The following MEGF6 variants were observed in gnomAD, a reference collection of about 807,000 sequenced individuals.
MEGF6 encodes the protein multiple EGF like domains 6, also known as multiple epidermal growth factor-like domains protein 6.
In MEGF6, 184 loss-of-function variants were observed where a neutral mutation model predicts 207.1. That is an observed-to-expected ratio of 0.89 (90% CI 0.79 to 1.00). The LOEUF is 1.00. Among genes scored for constraint, MEGF6 ranks in the 50% least tolerant of loss-of-function variants. The pLI, the probability that MEGF6 is intolerant of heterozygous loss-of-function variation, is 0.00. For synonymous variants in MEGF6, 1,038 were observed against 910.0 expected, an observed-to-expected ratio of 1.14 and a Z score of -2.53; for missense variants, 2,282 against 2,202.9, an observed-to-expected ratio of 1.04 and a Z score of -0.72.
chr1:3,526,183 G>A (rs1008476921), intron 4 of MEGF6, among the ~76,000 whole-genome samples: 2 of 152,314 alleles, frequency 1.3e-5, no homozygotes, highest in South Asian at 4.1e-4. Context: ...GGGGCCTCTG[G>A]GCATGGCGGA....
chr1:3,555,645 G>A (rs1643012572), intron 4 of MEGF6, among the ~76,000 whole-genome samples: 1 of 152,332 alleles, frequency 6.6e-6, no homozygotes, highest in Admixed American at 6.5e-5. Context: ...GAACCCGTCA[G>A]TGAAACAGCA....
chr1:3,515,461 CG>C lies in MEGF6; in HGVS notation c.670del (p.Arg224GlyfsTer53). The C allele has an allele frequency of 6.2e-7, 1 of 1,612,692 alleles. No individual in the cohort carries two copies. The highest frequency in any genetic ancestry group is 1.1e-5 in the South Asian group (1 of 91,066). ...CCCGGGCCGGCACTGGCAGCGATGCCGAGTGATTGTGAGCTGGACACAGTGG... is the reference window on the plus strand; with the variant it reads ...CCCGGGCCGGCACTGGCAGCGATGCCAGTGATTGTGAGCTGGACACAGTGG... ...QHHCVQLTIT[R>X]HRCQCRPGFQ... On this transcript the variant is annotated frameshift_variant, in exon 6 of 37. Coordinates refer to ENST00000356575, the MANE Select transcript of MEGF6 (RefSeq NM_001409.4). LOFTEE classifies it high-confidence loss of function.
At chr1:3,531,843 AGGGGGG>A (rs1292599449) in intron 4 of MEGF6, among the ~76,000 whole-genome samples, 11 of 148,118 alleles carry the variant, frequency 7.4e-5, no homozygotes, top group South Asian at 2.1e-4. Flanking sequence ...GGGGCGGGGG[AGGGGGG>A]CCTGCAGAGG....
intron 1 of MEGF6, among the ~76,000 whole-genome samples, chr1:3,606,970 G>A (rs554828354): frequency 6.6e-6 from 1 of 152,064 alleles, no homozygotes; most frequent in East Asian, 1.9e-4. Flanking sequence ...CCAGGCCTGG[G>A]GCCTGCTGTG....
chr1:3,531,375 G>A lies in MEGF6; in HGVS notation c.482-7129C>T, dbSNP rs866422325. The stretch of plus-strand genomic sequence containing the variant: ...GGGCGGGCGCGCAATCCCAGCCCCG[G>A]GATCCGCTCCGCTCGGCGCCGCCCG... On this transcript the variant is annotated intron_variant, in intron 4 of 36. Transcript: ENST00000356575. 273 of 1,177,708 alleles carry A rather than the reference G, an allele frequency of 2.3e-4. No homozygotes were observed. In the African/African-American group the frequency reaches 3.4e-3, roughly 15 times the overall value. 73.0% of individuals were successfully genotyped at this position (1,177,708 alleles called of 1,614,324 possible). A position where few individuals can be genotyped will look rare whatever the true frequency, so the allele number is the denominator to read the frequency against.
At chr1:3,619,336 T>C in the MEGF6 span, among the ~76,000 whole-genome samples, 1 of 152,230 alleles carries the variant, frequency 6.6e-6, no homozygotes, top group African/African-American at 2.4e-5. Flanking sequence ...AGAGCAGCCA[T>C]CCGGCTGGAC....
intron 17 of MEGF6, 118 bp from the exon 18 acceptor site, chr1:3,502,039 G>A (rs1312305204): frequency 2.8e-6 from 4 of 1,450,924 alleles, no homozygotes; most frequent in Non-Finnish European, 3.7e-6. Flanking sequence ...CTCCTGGCGA[G>A]TGTGCCCCCC....
chr1:3,501,107 G>A lies in MEGF6; in HGVS notation c.2447-13C>T, dbSNP rs186299034. 28 of 1,612,654 alleles carry A rather than the reference G, an allele frequency of 1.7e-5. No individual in the cohort carries two copies. Among genetic ancestry groups the A allele is most frequent in the East Asian group, 1.6e-4 (7 of 44,876 alleles). On this transcript the variant is annotated splice_polypyrimidine_tract_variant and intron_variant, in intron 19 of 36. Transcript: ENST00000356575. ...CCTGCTGGGCACACTACAGGCAGGC[G>A]AGAGAGGGTGAGTGGGGCCTGGCCA...
rs769567447 is a variant in MEGF6, at chr1:3,494,010, T to G, written c.4244A>C (p.His1415Pro). Residue 1415 changes from histidine (H) to proline (P), a missense_variant, in exon 33 of 37, where the codon CAC becomes CCC. By Grantham distance (77) the His-to-Pro change is moderately conservative. Transcript: ENST00000356575. Reference protein sequence around the residue: ...RCLCPAGFHGHFCERGCEPGS... With the variant: ...RCLCPAGFHGPFCERGCEPGS... Reference sequence around the variant, plus strand: ...CAAGCACTCACCCCTCTCACAGAAGTGGCCGTGGAAGCCGGCAGGGCAGAG... The same window carrying G: ...CAAGCACTCACCCCTCTCACAGAAGGGGCCGTGGAAGCCGGCAGGGCAGAG... 6.2e-7 allele frequency: 1 copy of G among 1,603,284 alleles called. No homozygotes were observed. Among genetic ancestry groups the G allele is most frequent in the Non-Finnish European group, 8.5e-7 (1 of 1,176,030 alleles).
intron 15 of MEGF6, 36 bp downstream of exon 15, chr1:3,506,071 CA>C: frequency 6.4e-7 from 1 of 1,554,208 alleles, no homozygotes; most frequent in Non-Finnish European, 8.7e-7. Flanking sequence ...CACCCGCTGC[CA>C]CCACCATGGA....
At chr1:3,552,538 A>C (rs753273509) in intron 4 of MEGF6, among the ~76,000 whole-genome samples, 1 of 152,268 alleles carries the variant, frequency 6.6e-6, no homozygotes, top group African/African-American at 2.4e-5. Context: ...TCTACAAAAA[A>C]TAACAAATTA....
At position 3,560,475 on chromosome 1, in the gene MEGF6, T is replaced by A. The variant is rs1643166821; in HGVS notation, c.481+19350A>T. Among the ~76,000 whole-genome samples the A allele has an allele frequency of 6.6e-6, 1 of 152,090 alleles. No homozygotes were observed. The highest frequency in any genetic ancestry group is 2.4e-5 in the African/African-American group (1 of 41,408). On this transcript the variant is annotated intron_variant, in intron 4 of 36. Transcript: ENST00000356575. The surrounding 1 kb of genome is among the most constrained non-coding windows in gnomAD (Gnocchi z 4.0). ...GCCTATTCACCCCTTCCTCCCTCCT[T>A]CCTCACCCCTGGCACCTCTGCTGTC...
intron 3 of MEGF6, among the ~76,000 whole-genome samples, chr1:3,589,256 A>G (rs1235063977): frequency 1.3e-5 from 2 of 152,134 alleles, no homozygotes; most frequent in Non-Finnish European, 2.9e-5. Flanking sequence ...CCTTGCTGAC[A>G]CCTTGATCTG....
the MEGF6 span, among the ~76,000 whole-genome samples, chr1:3,622,138 G>A: frequency 6.6e-6 from 1 of 152,190 alleles, no homozygotes; most frequent in East Asian, 1.9e-4. Flanking sequence ...ATGAGATTTA[G>A]GAGGGGCCGG....
intron 4 of MEGF6, among the ~76,000 whole-genome samples, chr1:3,538,585 G>A (rs1425442647): frequency 2.6e-5 from 4 of 152,150 alleles, no homozygotes; most frequent in Non-Finnish European, 5.9e-5. Context: ...ACGATGGAGT[G>A]GTCCTGTCTC....
At chr1:3,499,054 C>T in intron 24 of MEGF6, 84 bp downstream of exon 24, 1 of 1,536,134 alleles carries the variant, frequency 6.5e-7, no homozygotes, top group Non-Finnish European at 8.8e-7. Flanking sequence ...CCCCCAGGCA[C>T]CAAGTGTCCT....
chr1:3,581,819 C>T (rs7528821), intron 3 of MEGF6, among the ~76,000 whole-genome samples: 30,628 of 151,966 alleles, frequency 0.2, 3,440 homozygotes, highest in East Asian at 0.29. Flanking sequence ...CCTCCCTCCT[C>T]CCACCCTGTT....
At chr1:3,574,506 CAGGAGTG>C (rs946731487) in intron 4 of MEGF6, among the ~76,000 whole-genome samples, 10 of 119,272 alleles carry the variant, frequency 8.4e-5, no homozygotes, top group Non-Finnish European at 8.0e-5. Flanking sequence ...CACCTGGACC[CAGGAGTG>C]AGGGTGGCAA....
chr1:3,525,329 C>T (rs892602142), intron 4 of MEGF6, among the ~76,000 whole-genome samples: 10 of 152,344 alleles, frequency 6.6e-5, no homozygotes, highest in East Asian at 1.9e-4. Context: ...CACTCAAAGG[C>T]GGTAGAGGGG....
Sources: allele counts gnomAD v4.1 joint callset (sites outside exome capture counted in the v4.1 genomes callset), GRCh38; gene constraint gnomAD v4.1.1; non-coding constraint Gnocchi (gnomAD v3.1); transcripts MANE v1.5; gene names NCBI Gene and HGNC (gene_info 2026-07-23, HGNC 2026-07-21).